Variants in MAGED2 observed in about 807,000 individuals in gnomAD.
MAGED2 encodes melanoma-associated antigen D2.
MAGED2 carries 6 observed loss-of-function variants against 41.7 expected under a neutral mutation model. The observed-to-expected ratio is 0.14, with a 90% CI of 0.08 to 0.28. MAGED2 has a LOEUF of 0.28. Among genes scored for constraint, MAGED2 ranks in the 10% least tolerant of loss-of-function variants. MAGED2 has a pLI of 1.00. For missense variants in MAGED2, 343 were observed against 486.4 expected (o/e 0.71, Z 2.77); for synonymous variants, 146 against 178.2 (o/e 0.82, Z 1.44).
chrX:54,813,774 G>A (rs1000654621), intron 10 of MAGED2, among the ~76,000 whole-genome samples: 1 of 112,140 alleles, frequency 8.9e-6, no homozygotes, highest in East Asian at 2.8e-4. Context: ...GACCAGTTCT[G>A]CAAGGGAGGG....
Position 54,812,927 on chromosome X carries a change from G to A in MAGED2, c.1086-18G>A. 2 of 1,171,537 alleles carry A rather than the reference G, an allele frequency of 1.7e-6. No homozygotes were observed. Among genetic ancestry groups the A allele is most frequent in the Middle Eastern group, 2.6e-4 (1 of 3,914 alleles). ...ATGGCTGCTGAACATAAACCTCTCT[G>A]TCCTGTTATTTCTCTAGGACTAAGG... On this transcript the variant is annotated intron_variant, in intron 7 of 12. Coordinates refer to ENST00000375068, the MANE Select transcript of MAGED2 (RefSeq NM_177433.3).
At chrX:54,812,073 C>G (rs1370074897) in intron 6 of MAGED2, 84 bp from the exon 7 acceptor site, 8 of 558,084 alleles carry the variant, frequency 1.4e-5, no homozygotes, top group Middle Eastern at 3.2e-4. Context: ...CTCACACATG[C>G]GAAACTCCTA....
At chrX:54,812,912 A>C in intron 7 of MAGED2, 33 bp from the exon 8 acceptor site, 3 of 1,112,881 alleles carry the variant, frequency 2.7e-6, no homozygotes, top group Non-Finnish European at 3.7e-6. Context: ...ATGGCTGCTG[A>C]ACATAAACCT....
chrX:54,811,278 C>T lies in MAGED2; in HGVS notation c.875C>T (p.Ala292Val). The stretch of plus-strand genomic sequence containing the variant: ...AATGATTTGGTGAAGTACCTTTTGG[C>T]TAAAGACCAGACGAAGATTCCCATC... ...RANDLVKYLL[A>V]KDQTKIPIKR... is the part of the protein sequence containing the mutation. Residue 292 changes from alanine to valine, a missense_variant, in exon 5 of 13, where the codon GCT (alanine) becomes GTT (valine). Ala to Val is a moderately conservative substitution (Grantham distance 64, BLOSUM62 0). This residue lies in a region of MAGED2 where 95 missense variants were observed against 204.8 expected (regional missense o/e 0.46). Coordinates refer to ENST00000375068, the MANE Select transcript of MAGED2 (RefSeq NM_177433.3). The T allele has an allele frequency of 8.3e-7, 1 of 1,211,713 alleles. No individual in the cohort carries two copies. Among genetic ancestry groups the T allele is most frequent in the Non-Finnish European group, 1.1e-6 (1 of 895,178 alleles).
At chrX:54,810,302 C>T (rs1240785537) in intron 3 of MAGED2, 89 bp downstream of exon 3, 6 of 575,520 alleles carry the variant, frequency 1.0e-5, no homozygotes, top group Non-Finnish European at 1.6e-5. Flanking sequence ...GATCCCTGTG[C>T]TCATCAGGGC....
chrX:54,809,060 G>T, intron 1 of MAGED2: 1 of 391,119 alleles, frequency 2.6e-6, no homozygotes, highest in Non-Finnish European at 4.5e-6. Context: ...GGGGTGCACT[G>T]GGAAAAGGGG....
chrX:54,809,236 C>T (rs1212465693), intron 1 of MAGED2, 67 bp from the exon 2 acceptor site: 12 of 887,242 alleles, frequency 1.4e-5, no homozygotes, highest in Non-Finnish European at 2.0e-5. Flanking sequence ...GAGGATCAGC[C>T]TCCAGGCACA....
intron 12 of MAGED2, 32 bp from the exon 13 acceptor site, chrX:54,815,849 A>AC: frequency 2.3e-6 from 1 of 427,925 alleles, no homozygotes; most frequent in Non-Finnish European, 4.0e-6. Context: ...ATGTCAATTG[A>AC]CCCTTTTATT....
At position 54,810,927 on chromosome X, in the gene MAGED2, G is replaced by T; in HGVS notation, c.644G>T (p.Arg215Leu). The T allele has an allele frequency of 1.7e-6, 2 of 1,206,898 alleles. No homozygotes were observed. The highest frequency in any genetic ancestry group is 2.2e-6 in the Non-Finnish European group (2 of 892,301). The change falls in exon 4 of 13, where the codon CGC (arginine) becomes CTC (leucine). Residue 215 changes from arginine to leucine, a missense_variant. Transcript: ENST00000375068. ...VSKALMASMA[R>L]RASRGPIAFW... The stretch of plus-strand genomic sequence containing the variant: ...AAGGCCCTAATGGCCTCAATGGCCC[G>T]CAGGGCTTCAAGGGGTCCCATAGCC...
chrX:54,809,421 G>T lies in MAGED2; in HGVS notation c.45+45G>T, dbSNP rs1274407461. ...TTTCCCCAGCTGCTTTTCCTCTCCA[G>T]CCCTTGTTGCTGCCCCCAAGTCCCT... is the stretch of plus-strand genomic sequence containing the variant. On this transcript the variant is annotated intron_variant, in intron 2 of 12. Transcript: ENST00000375068. The T allele has an allele frequency of 8.1e-6, 9 of 1,116,807 alleles. No homozygotes were observed. The Admixed American group carries it at 2.0e-4, about 24-fold the overall frequency. The allele number at this position is 1,116,807 out of a possible 1,213,427, so 92.0% of individuals were successfully genotyped here.
In MAGED2 at chrX:54,815,250, A is replaced by G; in HGVS notation, c.1389A>G (p.Val463=). The stretch of plus-strand genomic sequence containing the variant: ...TCTGATGGTTATTTTTGTTTCAGGT[A>G]CAAAAGAAGGATCCCAAGGAATGGG... The part of the protein sequence containing the change: ...KMKVLKFACK[V]QKKDPKEWAA... Residue 463 remains valine (V), a splice_region_variant and synonymous_variant, in exon 12 of 13, where the codon GTA becomes GTG. Transcript: ENST00000375068. 8.7e-7 allele frequency: 1 copy of G among 1,143,780 alleles called. No individual in the cohort carries two copies. The highest frequency in any genetic ancestry group is 1.2e-6 in the Non-Finnish European group (1 of 863,449). The allele number at this position is 1,143,780 out of a possible 1,213,427, so 94.3% of individuals were successfully genotyped here.
At position 54,809,129 on chromosome X, in the gene MAGED2, G is replaced by C. The variant is rs947180023; in HGVS notation, c.-29-174G>C. ...TCCTGGAGAAGGGGAGGGTGCGGCT[G>C]CAGAGAATTGAGACTTAGAAGCTTT... On this transcript the variant is annotated intron_variant, in intron 1 of 12. Coordinates refer to ENST00000375068, the MANE Select transcript of MAGED2 (RefSeq NM_177433.3). 2.8e-5 allele frequency: 12 copies of C among 434,196 alleles called. No individual in the cohort carries two copies. The Admixed American group carries it at 4.3e-4, about 16-fold the overall frequency. 35.8% of individuals were successfully genotyped at this position (434,196 alleles called of 1,213,427 possible). A position where few individuals can be genotyped will look rare whatever the true frequency, so the allele number is the denominator to read the frequency against.
chrX:54,811,565 C>A lies in MAGED2; in HGVS notation c.911-9C>A, dbSNP rs150551550. 1,241 of 1,186,160 alleles carry A rather than the reference C, an allele frequency of 1.0e-3. 8 individuals carry two copies. The African/African-American group carries it at 0.019, about 18-fold the overall frequency. ...TCAGTCAGGTGCTCACAACACTCTCCCCTTGCAGACATGCTGAAGGACATC... is the reference window on the plus strand; with the variant it reads ...TCAGTCAGGTGCTCACAACACTCTCACCTTGCAGACATGCTGAAGGACATC... On this transcript the variant is annotated splice_polypyrimidine_tract_variant and intron_variant, in intron 5 of 12. Coordinates refer to ENST00000375068, the MANE Select transcript of MAGED2 (RefSeq NM_177433.3).
chrX:54,814,220 A>T, intron 10 of MAGED2: 1 of 282,166 alleles, frequency 3.5e-6, no homozygotes, highest in South Asian at 3.4e-5. Flanking sequence ...AGCCACACGC[A>T]TGTGCACACA....
chrX:54,813,235 AGTCTGGTG>A (rs1929860480), intron 9 of MAGED2, 75 bp downstream of exon 9: 1 of 1,196,883 alleles, frequency 8.4e-7, no homozygotes, highest in African/African-American at 1.8e-5. Flanking sequence ...GGATTGCATC[AGTCTGGTG>A]GTCTGGTGGA....
intron 10 of MAGED2, 28 bp downstream of exon 10, chrX:54,813,578 G>T (rs751454073): frequency 1.7e-6 from 2 of 1,161,377 alleles, no homozygotes; most frequent in South Asian, 3.6e-5. Flanking sequence ...GTGTTCATGT[G>T]TCCCATGCAT....
intron 5 of MAGED2, 122 bp from the exon 6 acceptor site, chrX:54,811,452 G>A: frequency 1.1e-6 from 1 of 891,976 alleles, no homozygotes; most frequent in Non-Finnish European, 1.6e-6. Context: ...TAGCATCTCT[G>A]TTGATAAGCA....
chrX:54,811,460 G>T (rs1197215899), intron 5 of MAGED2, 114 bp from the exon 6 acceptor site: 9 of 882,454 alleles, frequency 1.0e-5, no homozygotes, highest in Non-Finnish European at 3.3e-6. Context: ...CTGTTGATAA[G>T]CACAGAACCG....
rs748635209 is a variant in MAGED2, at chrX:54,809,993, C to T, written c.317C>T (p.Thr106Ile). 2 of 1,206,396 alleles carry T rather than the reference C, an allele frequency of 1.7e-6. No individual in the cohort carries two copies. Among genetic ancestry groups the T allele is most frequent in the Non-Finnish European group, 2.2e-6 (2 of 892,601 alleles). ...GAAAACAAGAGTCTAGCAGCTGACA[C>T]CAAGAAACAGAATGCTGACCCGCAG... ...AAENKSLAAD[T>I]KKQNADPQAV... is the part of the protein sequence containing the mutation. Residue 106 changes from threonine to isoleucine, a missense_variant, in exon 3 of 13, where the codon ACC becomes ATC. By Grantham distance (89) the Thr-to-Ile change is moderately conservative. Transcript: ENST00000375068.
Sources: gnomAD v4.1 joint callset for allele counts (sites outside exome capture counted in the v4.1 genomes callset) on GRCh38, gnomAD v4.1.1 for gene constraint, gnomAD v4.1.1 regional missense constraint, MANE v1.5 for transcripts, NCBI Gene and HGNC (gene_info 2026-07-23, HGNC 2026-07-21) for gene names.